Variants in ABCA6 observed in about 807,000 individuals in gnomAD.
ABCA6 encodes the protein ATP-binding cassette sub-family A member 6.
In ABCA6, 164 loss-of-function variants were observed where a neutral mutation model predicts 191.2. The observed-to-expected ratio is 0.86, with a 90% CI of 0.76 to 0.98. The LOEUF is 0.98. ABCA6 is among the 50% of genes least tolerant of loss of function. The pLI is 0.00. For synonymous variants in ABCA6, 636 were observed against 647.7 expected (o/e 0.98, Z 0.27); for missense variants, 1,958 against 1,894.1 (o/e 1.03, Z -0.63).
Position 69,128,765 on chromosome 17 carries a change from C to T in ABCA6, c.973G>A (p.Ala325Thr). ...VFLMSVLLKK[A>T]VLTNLVVFLL... ...AACACAACCAAATTGGTGAGGACAG[C>T]TTTCTTTAACAGCACACTCATCAGG... is the stretch of plus-strand genomic sequence containing the variant. Residue 325 changes from alanine to threonine, a missense_variant, in exon 8 of 39, where the codon GCT becomes ACT. Ala to Thr is a moderately conservative substitution (Grantham distance 58, BLOSUM62 0). Coordinates refer to ENST00000284425, the MANE Select transcript of ABCA6 (RefSeq NM_080284.3). 6.2e-7 allele frequency: 1 copy of T among 1,609,768 alleles called. No individual in the cohort carries two copies. The highest frequency in any genetic ancestry group is 8.5e-7 in the Non-Finnish European group (1 of 1,177,734).
chr17:69,119,501 G>C (rs1348532763), intron 10 of ABCA6, among the ~76,000 whole-genome samples: 2 of 151,906 alleles, frequency 1.3e-5, no homozygotes, highest in African/African-American at 4.8e-5. Context: ...CAGGAAACAG[G>C]GTGATTTATT....
chr17:69,132,873 A>T (rs979075206), intron 6 of ABCA6, among the ~76,000 whole-genome samples: 4 of 151,608 alleles, frequency 2.6e-5, no homozygotes, highest in Non-Finnish European at 5.9e-5. Flanking sequence ...TACATACATG[A>T]GTGTGTGTGT....
intron 10 of ABCA6, among the ~76,000 whole-genome samples, chr17:69,121,716 G>C (rs547890410): frequency 6.6e-6 from 1 of 152,110 alleles, no homozygotes; most frequent in South Asian, 2.1e-4. Flanking sequence ...GTAAGTAAAA[G>C]ATTTTGTTAG....
chr17:69,138,919 T>C (rs2073988569), intron 2 of ABCA6, among the ~76,000 whole-genome samples: 2 of 152,028 alleles, frequency 1.3e-5, no homozygotes, highest in African/African-American at 2.4e-5. Flanking sequence ...CTGGATCCCT[T>C]CCTTACACCT....
intron 6 of ABCA6, among the ~76,000 whole-genome samples, chr17:69,132,552 T>C (rs2073882906): frequency 6.6e-6 from 1 of 152,118 alleles, no homozygotes; most frequent in Admixed American, 6.6e-5. Context: ...ACGATCTCAG[T>C]TCGCTGCAGC....
intron 11 of ABCA6, 100 bp from the exon 12 acceptor site, chr17:69,115,586 G>A: frequency 1.4e-6 from 1 of 713,026 alleles, no homozygotes; most frequent in Non-Finnish European, 2.2e-6. Flanking sequence ...TTAGTTTAGT[G>A]GCATATTTCT....
intron 6 of ABCA6, among the ~76,000 whole-genome samples, chr17:69,130,736 A>C (rs2073847559): frequency 6.6e-6 from 1 of 152,230 alleles, no homozygotes; most frequent in Admixed American, 6.5e-5. Context: ...AAGCAACTTA[A>C]AAGCCTCTGA....
chr17:69,083,278 G>A lies in ABCA6; in HGVS notation c.4409C>T (p.Thr1470Ile). The change falls in exon 35 of 39, where the codon ACC becomes ATC. Residue 1470 changes from threonine to isoleucine, a missense_variant. Transcript: ENST00000284425. ...KNTERGVLLT[T>I]HNLAEAEALC... The stretch of plus-strand genomic sequence containing the variant: ...GGCTTCCGCCTCAGCCAGGTTATGG[G>A]TGGTCAGGAGGACACCTCTCTCTGT... 1 of 1,610,404 alleles carries A rather than the reference G, an allele frequency of 6.2e-7. No homozygotes were observed. Among genetic ancestry groups the A allele is most frequent in the Non-Finnish European group, 8.5e-7 (1 of 1,179,060 alleles).
Position 69,134,585 on chromosome 17 carries a change from G to C in ABCA6, c.564+54C>G, listed in dbSNP as rs2073918863. 5.5e-6 allele frequency: 7 copies of C among 1,276,068 alleles called. No individual in the cohort carries two copies. The South Asian group carries it at 8.7e-5, about 16-fold the overall frequency. The allele number at this position is 1,276,068 out of a possible 1,614,324, so 79.0% of individuals were successfully genotyped here. A position where few individuals can be genotyped will look rare whatever the true frequency, so the allele number is the denominator to read the frequency against. On this transcript the variant is annotated intron_variant, in intron 5 of 38. Coordinates refer to ENST00000284425, the MANE Select transcript of ABCA6 (RefSeq NM_080284.3). Reference sequence around the variant, plus strand: ...AATTATCTTTCATCAAAAATCTTGAGGTCTCTGGAAGTAGCTGACATTAAT... The same window carrying C: ...AATTATCTTTCATCAAAAATCTTGACGTCTCTGGAAGTAGCTGACATTAAT...
intron 4 of ABCA6, chr17:69,135,748 C>G: frequency 5.1e-6 from 2 of 392,512 alleles, no homozygotes; most frequent in Non-Finnish European, 9.0e-6. Flanking sequence ...GGTCTAAGTG[C>G]CCATGAAACA....
At chr17:69,108,934 T>A (rs949450372) in intron 17 of ABCA6, 4 of 152,232 alleles carry the variant, frequency 2.6e-5, no homozygotes, top group Non-Finnish European at 5.9e-5. Flanking sequence ...TACCAACATA[T>A]AATTCCTTAT....
At chr17:69,079,574 T>A (rs2072578454) in intron 37 of ABCA6, among the ~76,000 whole-genome samples, 1 of 152,224 alleles carries the variant, frequency 6.6e-6, no homozygotes, top group African/African-American at 2.4e-5. Flanking sequence ...TTCTTACACA[T>A]GAGGAAGATC....
intron 6 of ABCA6, among the ~76,000 whole-genome samples, chr17:69,132,051 T>C (rs2073872746): frequency 6.6e-6 from 1 of 152,130 alleles, no homozygotes; most frequent in South Asian, 2.1e-4. Flanking sequence ...GGTTCCTCTT[T>C]TTCTATCTTA....
At chr17:69,113,141 G>C (rs2073462886) in intron 15 of ABCA6, 81 bp downstream of exon 15, 5 of 1,487,488 alleles carry the variant, frequency 3.4e-6, no homozygotes, top group Non-Finnish European at 4.5e-6. Flanking sequence ...AATGAGAGCA[G>C]GGCTCTTACC....
chr17:69,092,475 T>C (rs578246946), intron 25 of ABCA6, among the ~76,000 whole-genome samples: 16 of 152,292 alleles, frequency 1.1e-4, no homozygotes, highest in Admixed American at 3.3e-4. Flanking sequence ...TCTCATCCAC[T>C]GGAACAAGAG....
At chr17:69,109,577 C>A (rs528549656) in intron 17 of ABCA6, 2 of 152,292 alleles carry the variant, frequency 1.3e-5, no homozygotes, top group East Asian at 3.9e-4. Flanking sequence ...TATCCACCAT[C>A]AACTGCTGTC....
At chr17:69,082,303 C>T (rs1323830367) in intron 36 of ABCA6, among the ~76,000 whole-genome samples, 1 of 149,914 alleles carries the variant, frequency 6.7e-6, no homozygotes, top group East Asian at 1.9e-4. Flanking sequence ...CTTGCCCTCC[C>T]CCAAATAACA....
chr17:69,135,986 C>A, intron 4 of ABCA6, 106 bp downstream of exon 4: 1 of 1,093,094 alleles, frequency 9.1e-7, no homozygotes, highest in Admixed American at 2.2e-5. Context: ...TGGGCTTTCC[C>A]TGTTTTCTCA....
rs532619753 is a variant in ABCA6 at position 69,114,503 on chromosome 17, A to G, written c.1782+259T>C. Among the ~76,000 whole-genome samples the G allele has an allele frequency of 2.6e-5, 4 of 152,282 alleles. No homozygotes were observed. In the East Asian group the frequency reaches 5.8e-4, roughly 22 times the overall value. ...TGGGTGCAGCACACCAACATGGCAC[A>G]TGTATACATATGTAACTAACCTGCA... On this transcript the variant is annotated intron_variant, in intron 13 of 38. Coordinates refer to ENST00000284425, the MANE Select transcript of ABCA6 (RefSeq NM_080284.3).
Sources: gnomAD v4.1 joint callset for allele counts (sites outside exome capture counted in the v4.1 genomes callset) on GRCh38, gnomAD v4.1.1 for gene constraint, MANE v1.5 for transcripts, NCBI Gene and HGNC (gene_info 2026-07-23, HGNC 2026-07-21) for gene names.